Variants in PPP2R5C observed in about 807,000 individuals in gnomAD.
PPP2R5C encodes the protein serine/threonine-protein phosphatase 2A 56 kDa regulatory subunit gamma isoform.
In PPP2R5C, 7 loss-of-function variants were observed where a neutral mutation model predicts 68.9. That is an observed-to-expected ratio of 0.10 (90% CI 0.06 to 0.19). PPP2R5C has a LOEUF of 0.19. Ranked by LOEUF, PPP2R5C falls within the 10% of genes least tolerant of loss-of-function variation. The pLI is 1.00. For missense variants in PPP2R5C, 348 were observed against 641.3 expected, an observed-to-expected ratio of 0.54 and a Z score of 4.94; for synonymous variants, 210 against 222.2, an observed-to-expected ratio of 0.95 and a Z score of 0.49.
intron 1 of PPP2R5C, chr14:101,836,434 C>T (rs1156563923): frequency 1.0e-5 from 7 of 695,448 alleles, no homozygotes; most frequent in Admixed American, 6.0e-5. Context: ...CACACACTGT[C>T]GTAGCTGGTT....
At chr14:101,834,505 A>G (rs2040959092) in intron 1 of PPP2R5C, among the ~76,000 whole-genome samples, 2 of 152,234 alleles carry the variant, frequency 1.3e-5, no homozygotes. Context: ...GTGATCAGGC[A>G]GCTGTTCCAG....
intron 2 of PPP2R5C, among the ~76,000 whole-genome samples, chr14:101,785,106 C>T (rs1019077179): frequency 7.2e-5 from 11 of 152,122 alleles, no homozygotes; most frequent in Non-Finnish European, 1.5e-5. Flanking sequence ...GGAATGAGCA[C>T]GCACACCAGG....
At chr14:101,886,605 G>A (rs1009011953) in intron 5 of PPP2R5C, among the ~76,000 whole-genome samples, 9 of 152,020 alleles carry the variant, frequency 5.9e-5, no homozygotes, top group Non-Finnish European at 1.0e-4. Context: ...TCTAGATTCC[G>A]TGATTGGTTT....
chr14:101,763,804 G>T (rs981169873), intron 2 of PPP2R5C, among the ~76,000 whole-genome samples: 2 of 152,156 alleles, frequency 1.3e-5, no homozygotes, highest in Non-Finnish European at 2.9e-5. Flanking sequence ...TCTCCCCACC[G>T]CCACTTCCAT....
chr14:101,906,359 C>A lies in PPP2R5C; in HGVS notation c.1024-43C>A. 6.5e-7 allele frequency: 1 copy of A among 1,546,124 alleles called. No homozygotes were observed. The highest frequency in any genetic ancestry group is 2.0e-5 in the Admixed American group (1 of 49,076). On this transcript the variant is annotated intron_variant, in intron 9 of 13. Transcript: ENST00000334743. This position sits in a 1 kb window ranked among gnomAD's most constrained non-coding sequence, Gnocchi z 4.0. ...AACAGCAAGGACAGCCACCTGATGT[C>A]TCAGGCACAACCTCCAGCAAGCCAT...
At chr14:101,841,698 G>A (rs140380197) in intron 1 of PPP2R5C, among the ~76,000 whole-genome samples, 206 of 152,336 alleles carry the variant, frequency 1.4e-3, no homozygotes, top group Non-Finnish European at 2.5e-3. Context: ...TAGAGAGTAA[G>A]GCAGAGGATC....
intron 12 of PPP2R5C, chr14:101,914,633 T>G (rs2046562124): frequency 6.2e-6 from 1 of 161,466 alleles, no homozygotes; most frequent in Non-Finnish European, 1.4e-5. Flanking sequence ...AGACCGAGCC[T>G]TCGTCCACTC....
At chr14:101,919,844 CT>C (rs1317798293) in intron 13 of PPP2R5C, among the ~76,000 whole-genome samples, 1 of 151,946 alleles carries the variant, frequency 6.6e-6, no homozygotes, top group Non-Finnish European at 1.5e-5. Context: ...TGGCAGGTTC[CT>C]GTAATCCCAA....
intron 13 of PPP2R5C, among the ~76,000 whole-genome samples, chr14:101,924,795 T>G (rs914285308): frequency 5.3e-5 from 8 of 152,138 alleles, no homozygotes; most frequent in African/African-American, 1.9e-4. Context: ...TGAAATGGCT[T>G]TAATGACATT....
chr14:101,889,569 G>T (rs2044726931), intron 5 of PPP2R5C, among the ~76,000 whole-genome samples: 1 of 152,210 alleles, frequency 6.6e-6, no homozygotes, highest in Non-Finnish European at 1.5e-5. Context: ...AGACAGGCTG[G>T]CACAGAGGGT....
At chr14:101,864,198 C>T (rs918347889) in intron 2 of PPP2R5C, among the ~76,000 whole-genome samples, 2 of 152,070 alleles carry the variant, frequency 1.3e-5, no homozygotes, top group Admixed American at 1.3e-4. Context: ...CATTAAGACT[C>T]GTCTTAACAG....
In PPP2R5C at chr14:101,892,987, G is replaced by A; in HGVS notation, c.690-13G>A. ...TCGTAAATGTTCAAACCTAATAAAT[G>A]TTCTTTTTACAGTATAATTAATGGA... On this transcript the variant is annotated splice_polypyrimidine_tract_variant and intron_variant, in intron 6 of 13. Coordinates refer to ENST00000334743, the Ensembl canonical transcript of PPP2R5C. The A allele has an allele frequency of 2.0e-6, 3 of 1,507,798 alleles. No individual in the cohort carries two copies. The highest frequency in any genetic ancestry group is 2.8e-6 in the Non-Finnish European group (3 of 1,088,970). 93.4% of individuals were successfully genotyped at this position (1,507,798 alleles called of 1,614,324 possible). A position where few individuals can be genotyped will look rare whatever the true frequency, so the allele number is the denominator to read the frequency against.
In PPP2R5C at chr14:101,883,619, C is replaced by T. The variant is rs183369378; in HGVS notation, c.629+57C>T. ...GTGTGGTGATGCTCATTTCCCCCCT[C>T]GATGCTCCCCTACCCCATCGTCTCC... On this transcript the variant is annotated intron_variant, in intron 5 of 13. Transcript: ENST00000334743. 6.7e-5 allele frequency: 106 copies of T among 1,581,974 alleles called. 2 individuals carry two copies. In the East Asian group the frequency reaches 1.2e-3, roughly 18 times the overall value.
At chr14:101,848,679 G>A (rs975337038) in intron 1 of PPP2R5C, among the ~76,000 whole-genome samples, 1 of 152,210 alleles carries the variant, frequency 6.6e-6, no homozygotes, top group Non-Finnish European at 1.5e-5. Flanking sequence ...GCTGACAATC[G>A]TGCAGCCGAA....
intron 1 of PPP2R5C, among the ~76,000 whole-genome samples, chr14:101,849,394 T>A (rs140592261): frequency 6.6e-6 from 1 of 152,154 alleles, no homozygotes; most frequent in South Asian, 2.1e-4. Context: ...GTGTTGTCCG[T>A]AGTGGTTTTA....
chr14:101,912,173 T>C (rs1031395665), intron 11 of PPP2R5C, among the ~76,000 whole-genome samples: 4 of 152,254 alleles, frequency 2.6e-5, no homozygotes, highest in Non-Finnish European at 5.9e-5. Context: ...ATATAAGATT[T>C]CTTTTAAGAA....
intron 2 of PPP2R5C, among the ~76,000 whole-genome samples, chr14:101,872,219 C>CTTTTTTTTTTTTT (rs386382344): frequency 2.2e-5 from 2 of 91,196 alleles, no homozygotes; most frequent in African/African-American, 1.0e-4. Context: ...TTTCTTTTGC[C>CTTTTTTTTTTTTT]TTTTTTTTTT....
intron 1 of PPP2R5C, chr14:101,818,212 G>C (rs1245191700): frequency 1.3e-5 from 2 of 152,322 alleles, no homozygotes; most frequent in East Asian, 3.9e-4. Context: ...CAGTCTTTCT[G>C]TTCCCGTGCT....
chr14:101,886,246 A>C (rs951964692), intron 5 of PPP2R5C, among the ~76,000 whole-genome samples: 3 of 150,672 alleles, frequency 2.0e-5, no homozygotes, highest in Admixed American at 6.7e-5. Context: ...GTGCCACTGC[A>C]CTCCAGCCTG....
Sources: allele counts gnomAD v4.1 joint callset (sites outside exome capture counted in the v4.1 genomes callset), GRCh38; gene constraint gnomAD v4.1.1; non-coding constraint Gnocchi (gnomAD v3.1); transcripts MANE v1.5; gene names NCBI Gene and HGNC (gene_info 2026-07-23, HGNC 2026-07-21).